RANBP2: variants seen among roughly 807,000 people sequenced by gnomAD.
RANBP2 encodes E3 SUMO-protein ligase RanBP2.
RANBP2 carries 57 observed loss-of-function variants against 303.6 expected under a neutral mutation model. The ratio of observed to expected loss-of-function variants is 0.19; its 90% CI spans 0.15 to 0.23. The LOEUF is 0.23. Ranked by LOEUF, RANBP2 falls within the 10% of genes least tolerant of loss-of-function variation. RANBP2 has a pLI of 1.00. For synonymous variants in RANBP2, 1,167 were observed against 1,301.5 expected (o/e 0.90, Z 2.23); for missense variants, 3,138 against 3,780.8 (o/e 0.83, Z 4.46).
At chr2:109,568,717 G>T in the RANBP2 span, among the ~76,000 whole-genome samples, 1 of 152,066 alleles carries the variant, frequency 6.6e-6, no homozygotes, top group Non-Finnish European at 1.5e-5. Flanking sequence ...TAAGCACTAA[G>T]TAACCAGGGT....
the RANBP2 span, chr2:109,347,807 T>C: frequency 6.2e-7 from 1 of 1,613,970 alleles, no homozygotes; most frequent in Non-Finnish European, 8.5e-7. Flanking sequence ...CACGGCGAGC[T>C]GCACGGCACA....
the RANBP2 span, among the ~76,000 whole-genome samples, chr2:109,087,317 T>C: frequency 6.6e-6 from 1 of 152,124 alleles, no homozygotes; most frequent in African/African-American, 2.4e-5. Flanking sequence ...TTTCCCCTTC[T>C]TTTCCTTGTA....
the RANBP2 span, among the ~76,000 whole-genome samples, chr2:108,973,271 A>G: frequency 6.6e-6 from 1 of 152,144 alleles, no homozygotes; most frequent in African/African-American, 2.4e-5. Flanking sequence ...TACAGGCATG[A>G]GCCACCGCAC....
the RANBP2 span, among the ~76,000 whole-genome samples, chr2:109,182,031 C>G: frequency 6.6e-6 from 1 of 152,150 alleles, no homozygotes; most frequent in African/African-American, 2.4e-5. Context: ...AAAAAATTAT[C>G]TATGTGATAA....
At chr2:109,256,677 T>G in the RANBP2 span, among the ~76,000 whole-genome samples, 10 of 152,220 alleles carry the variant, frequency 6.6e-5, no homozygotes, top group Admixed American at 6.5e-4. Flanking sequence ...TAAGTTTTGT[T>G]TTCTCAATCT....
the RANBP2 span, among the ~76,000 whole-genome samples, chr2:109,294,682 C>T: frequency 0.016 from 2,365 of 151,960 alleles, 48 homozygotes; most frequent in African/African-American, 0.054. Flanking sequence ...GATGTGGTGA[C>T]GGGGCTGGGC....
the RANBP2 span, among the ~76,000 whole-genome samples, chr2:109,163,854 A>G: frequency 6.6e-6 from 1 of 152,162 alleles, no homozygotes; most frequent in African/African-American, 2.4e-5. Context: ...TCTCTGGTCT[A>G]TTACCAACTA....
At chr2:109,767,660 GA>G in the RANBP2 span, among the ~76,000 whole-genome samples, 2 of 147,864 alleles carry the variant, frequency 1.4e-5, no homozygotes, top group South Asian at 2.3e-4. Context: ...ATTTAGCTGG[GA>G]AGTGGGAATA....
the RANBP2 span, among the ~76,000 whole-genome samples, chr2:109,648,688 C>G: frequency 7.2e-6 from 1 of 138,996 alleles, no homozygotes; most frequent in Non-Finnish European, 1.5e-5. Flanking sequence ...GAGTCTTGCT[C>G]TGTTGCCCAG....
chr2:109,540,712 G>T, the RANBP2 span, among the ~76,000 whole-genome samples: 2 of 149,628 alleles, frequency 1.3e-5, no homozygotes, highest in Non-Finnish European at 3.0e-5. Flanking sequence ...AAGGCAGGAG[G>T]ACTGCTGGAG....
the RANBP2 span, among the ~76,000 whole-genome samples, chr2:109,578,198 T>G: frequency 6.6e-6 from 1 of 152,100 alleles, no homozygotes; most frequent in Admixed American, 6.6e-5. Flanking sequence ...TGTCGGTAAT[T>G]ACATTAATTT....
At chr2:108,751,486 T>G in intron 10 of RANBP2, 41 bp downstream of exon 10, 1 of 1,611,858 alleles carries the variant, frequency 6.2e-7, no homozygotes, top group Non-Finnish European at 8.5e-7. Flanking sequence ...CTGAATTTTG[T>G]TTAATTTTTT....
chr2:109,245,540 TA>T, the RANBP2 span, among the ~76,000 whole-genome samples: 2 of 152,360 alleles, frequency 1.3e-5, no homozygotes, highest in Admixed American at 1.3e-4. Context: ...TTTTTATTTT[TA>T]TTGGACAAAC....
chr2:109,218,283 C>T, the RANBP2 span, among the ~76,000 whole-genome samples: 2 of 152,350 alleles, frequency 1.3e-5, no homozygotes, highest in South Asian at 4.1e-4. Context: ...ACTTTCTTGG[C>T]TCTCTTGCCC....
chr2:109,096,731 G>T, the RANBP2 span, among the ~76,000 whole-genome samples: 5 of 151,814 alleles, frequency 3.3e-5, no homozygotes, highest in African/African-American at 4.8e-5. Context: ...TGCTCAAAAT[G>T]CTGGCGATCC....
At chr2:109,723,057 A>G in the RANBP2 span, among the ~76,000 whole-genome samples, 10 of 152,322 alleles carry the variant, frequency 6.6e-5, no homozygotes, top group African/African-American at 2.4e-4. Context: ...GTCTTCTCCA[A>G]TGTTTGAATT....
At chr2:109,347,249 A>C in the RANBP2 span, among the ~76,000 whole-genome samples, 1 of 152,230 alleles carries the variant, frequency 6.6e-6, no homozygotes, top group Non-Finnish European at 1.5e-5. Flanking sequence ...TAGAGTATTG[A>C]GTAAGAAATT....
At chr2:109,617,535 C>T in the RANBP2 span, 1 of 167,024 alleles carries the variant, frequency 6.0e-6, no homozygotes, top group South Asian at 2.1e-4. Context: ...TTAAACAAGT[C>T]CTCCTTTAGT....
the RANBP2 span, among the ~76,000 whole-genome samples, chr2:109,462,145 G>A: frequency 6.7e-6 from 1 of 149,636 alleles, no homozygotes; most frequent in Admixed American, 6.7e-5. Flanking sequence ...TTGCTCACTA[G>A]GTCCAGTCAG....
Sources: gnomAD v4.1 joint callset for allele counts (sites outside exome capture counted in the v4.1 genomes callset) on GRCh38, gnomAD v4.1.1 for gene constraint, MANE v1.5 for transcripts, NCBI Gene and HGNC (gene_info 2026-07-23, HGNC 2026-07-21) for gene names.